PDSS2: variants seen among roughly 807,000 people sequenced by gnomAD.
PDSS2 encodes decaprenyl diphosphate synthase subunit 2.
In PDSS2, 31 loss-of-function variants were observed where a neutral mutation model predicts 44.5. That is an observed-to-expected ratio of 0.70 (90% CI 0.52 to 0.94). The LOEUF is 0.94. PDSS2 is among the 40% of genes least tolerant of loss of function. PDSS2 has a pLI of 0.00. For synonymous variants in PDSS2, 157 were observed against 180.3 expected, an observed-to-expected ratio of 0.87 and a Z score of 1.03; for missense variants, 452 against 482.2, an observed-to-expected ratio of 0.94 and a Z score of 0.59.
At chr6:107,386,020 A>G (rs1022787617) in intron 1 of PDSS2, among the ~76,000 whole-genome samples, 5 of 152,188 alleles carry the variant, frequency 3.3e-5, no homozygotes, top group African/African-American at 1.2e-4. Flanking sequence ...ACTATGTTAA[A>G]TGAAGGTAAG....
chr6:107,269,847 A>C (rs1188169861), intron 3 of PDSS2, among the ~76,000 whole-genome samples: 2 of 152,102 alleles, frequency 1.3e-5, no homozygotes, highest in East Asian at 3.9e-4. Context: ...TTGTATTTTC[A>C]GTAGAGACGG....
At chr6:107,402,496 G>GTATACATATATACGTATATACA (rs1780166661) in intron 1 of PDSS2, among the ~76,000 whole-genome samples, 2 of 33,404 alleles carry the variant, frequency 6.0e-5, no homozygotes, top group Non-Finnish European at 1.5e-4. Context: ...ACGTATATAT[G>GTATACATATATACGTATATACA]TATACATATA....
At chr6:107,305,818 T>C (rs1264518716) in intron 2 of PDSS2, among the ~76,000 whole-genome samples, 17 of 152,164 alleles carry the variant, frequency 1.1e-4, no homozygotes, top group Admixed American at 8.5e-4. Flanking sequence ...CCCCAGAACA[T>C]TGGGAATACA....
At chr6:107,309,603 T>C (rs1776970099) in intron 2 of PDSS2, among the ~76,000 whole-genome samples, 1 of 152,200 alleles carries the variant, frequency 6.6e-6, no homozygotes, top group South Asian at 2.1e-4. Flanking sequence ...GAAGCCCTGG[T>C]GCCCACAATG....
chr6:107,277,207 T>C (rs1434686510), intron 2 of PDSS2, among the ~76,000 whole-genome samples: 1 of 152,148 alleles, frequency 6.6e-6, no homozygotes, highest in Non-Finnish European at 1.5e-5. Flanking sequence ...TTGAAGAAGC[T>C]AAATTTGAGC....
intron 2 of PDSS2, among the ~76,000 whole-genome samples, chr6:107,292,821 T>C (rs371000971): frequency 3.9e-5 from 6 of 152,170 alleles, no homozygotes. Context: ...GAAACAGTTA[T>C]GTGGGGCTCT....
intron 2 of PDSS2, among the ~76,000 whole-genome samples, chr6:107,312,918 G>A (rs1777087752): frequency 6.6e-6 from 1 of 152,128 alleles, no homozygotes; most frequent in Non-Finnish European, 1.5e-5. Context: ...TGAGTATCCT[G>A]GTCCTCAGAG....
chr6:107,248,797 A>G (rs1158088632), intron 3 of PDSS2, among the ~76,000 whole-genome samples: 1 of 152,212 alleles, frequency 6.6e-6, no homozygotes. Context: ...ATTTTGATGG[A>G]ACATCTTTGC....
At chr6:107,453,138 C>T (rs572422928) in intron 1 of PDSS2, among the ~76,000 whole-genome samples, 2 of 151,712 alleles carry the variant, frequency 1.3e-5, no homozygotes, top group African/African-American at 2.4e-5. Context: ...GGTGCAGTCT[C>T]GGCTCACTGC....
intron 7 of PDSS2, among the ~76,000 whole-genome samples, chr6:107,164,921 T>C (rs1300208740): frequency 1.4e-4 from 21 of 152,362 alleles, no homozygotes; most frequent in African/African-American, 5.0e-4. Flanking sequence ...TGGCCAGTGA[T>C]GATGAGCATT....
intron 1 of PDSS2, among the ~76,000 whole-genome samples, chr6:107,350,781 G>GC (rs1778408072): frequency 6.6e-6 from 1 of 151,974 alleles, no homozygotes; most frequent in Non-Finnish European, 1.5e-5. Flanking sequence ...CTGTGCTCCA[G>GC]CCTGGGTGAA....
chr6:107,339,457 A>G (rs888181174), intron 1 of PDSS2, among the ~76,000 whole-genome samples: 5 of 152,186 alleles, frequency 3.3e-5, no homozygotes, highest in Admixed American at 1.3e-4. Flanking sequence ...CTATACATCA[A>G]GCATTGTGCT....
At chr6:107,204,973 T>C (rs955968976) in intron 6 of PDSS2, among the ~76,000 whole-genome samples, 4 of 152,230 alleles carry the variant, frequency 2.6e-5, no homozygotes, top group African/African-American at 7.2e-5. Context: ...AATGCCTACA[T>C]TGTATACCTT....
At position 107,231,311 on chromosome 6, in the gene PDSS2, G is replaced by C. The variant is rs145642498; in HGVS notation, c.702+14237C>G. 2.7e-3 allele frequency among the ~76,000 whole-genome samples: 416 copies of C among 152,330 alleles called. 2 individuals carry two copies. Among genetic ancestry groups the C allele is most frequent in the African/African-American group, 9.0e-3 (374 of 41,578 alleles). On this transcript the variant is annotated intron_variant, in intron 4 of 7. Transcript: ENST00000369037. ...GTGATATGCAAAGAACAGGTTAAAA[G>C]ATGGTAGATGTTGACTTAGTTCCAC... is the stretch of plus-strand genomic sequence containing the variant.
chr6:107,252,113 A>G (rs1462811121), intron 3 of PDSS2, among the ~76,000 whole-genome samples: 5 of 152,190 alleles, frequency 3.3e-5, no homozygotes, highest in African/African-American at 1.2e-4. Context: ...CAGTGGCCAA[A>G]TGAGGGGTGA....
chr6:107,420,698 C>T (rs1780797356), intron 1 of PDSS2, among the ~76,000 whole-genome samples: 1 of 151,938 alleles, frequency 6.6e-6, no homozygotes, highest in Non-Finnish European at 1.5e-5. Context: ...AAAAGGATCA[C>T]GGATTTATGT....
chr6:107,356,446 A>C (rs1418595365), intron 1 of PDSS2, among the ~76,000 whole-genome samples: 1 of 152,238 alleles, frequency 6.6e-6, no homozygotes, highest in Non-Finnish European at 1.5e-5. Flanking sequence ...GAGAAGGAGA[A>C]GCTCCAGAGG....
At chr6:107,280,612 A>G (rs1329138768) in intron 2 of PDSS2, among the ~76,000 whole-genome samples, 3 of 152,102 alleles carry the variant, frequency 2.0e-5, no homozygotes, top group Non-Finnish European at 4.4e-5. Context: ...ATTGCTATTA[A>G]TATTTGCCTA....
At position 107,210,522 on chromosome 6, in the gene PDSS2, T is replaced by A. The variant is rs1266854741; in HGVS notation, c.925A>T (p.Met309Leu). 1.2e-6 allele frequency: 2 copies of A among 1,602,252 alleles called. No homozygotes were observed. The highest frequency in any genetic ancestry group is 1.3e-5 in the African/African-American group (1 of 74,820). The change falls in exon 6 of 8, where the codon ATG (methionine) becomes TTG (leucine). Residue 309 changes from methionine to leucine, a missense_variant. By Grantham distance (15) the Met-to-Leu change is conservative. Coordinates refer to ENST00000369037, the MANE Select transcript of PDSS2 (RefSeq NM_020381.4). ...GGAGCTGAGTTTAGATTAAAAGTCATGGAGTCACTGGTCTTTTCTTTAATA... is the reference window on the plus strand; with the variant it reads ...GGAGCTGAGTTTAGATTAAAAGTCAAGGAGTCACTGGTCTTTTCTTTAATA... ...PFIKEKTSDS[M>L]TFNLNSAPVV...
Sources: allele counts gnomAD v4.1 joint callset (sites outside exome capture counted in the v4.1 genomes callset), GRCh38; gene constraint gnomAD v4.1.1; transcripts MANE v1.5; gene names NCBI Gene and HGNC (gene_info 2026-07-23, HGNC 2026-07-21).